Variants in RPL29 observed in about 807,000 individuals in gnomAD.
RPL29 encodes the protein large ribosomal subunit protein eL29.
RPL29 carries 4 observed loss-of-function variants against 7.2 expected under a neutral mutation model. That is an observed-to-expected ratio of 0.55 (90% CI 0.27 to 1.26). The LOEUF (loss-of-function observed/expected upper bound fraction) is 1.26, where lower values mean the gene tolerates loss of function less well. Among genes scored for constraint, RPL29 ranks in the 50% most tolerant of loss-of-function variants. The pLI is 0.11. For missense variants in RPL29, 148 were observed against 209.1 expected (o/e 0.71, Z 1.80); for synonymous variants, 73 against 72.8 (o/e 1.00, Z -0.01).
chr3:51,994,414 T>G, intron 3 of RPL29: 3 of 401,680 alleles, frequency 7.5e-6, no homozygotes, highest in Admixed American at 8.3e-5. Context: ...CAGCAGGGGT[T>G]CGACCAAGTT....
Position 51,993,604 on chromosome 3 carries a change from G to GGAT in RPL29, c.*142_*144dup, listed in dbSNP as rs1701274322. On this transcript the variant is annotated 3_prime_UTR_variant, in exon 4 of 4. Coordinates refer to ENST00000294189, the MANE Select transcript of RPL29 (RefSeq NM_000992.3). Reference sequence around the variant, plus strand: ...GATGGAGCAACCAAACCCATCCCCAGGATCATAGACAGAGGCTAACAAATC... The same window carrying GGAT: ...GATGGAGCAACCAAACCCATCCCCAGGATGATCATAGACAGAGGCTAACAAATC... 5 of 876,040 alleles carry GGAT rather than the reference G, an allele frequency of 5.7e-6. No homozygotes were observed. Among genetic ancestry groups the GGAT allele is most frequent in the Non-Finnish European group, 8.7e-6 (5 of 575,252 alleles). The allele number at this position is 876,040 out of a possible 1,614,324, so 54.3% of individuals were successfully genotyped here.
rs543098201 is a variant in RPL29, at chr3:51,994,774, C to G, written c.102+268G>C. On this transcript the variant is annotated intron_variant, in intron 3 of 3. Coordinates refer to ENST00000294189, the MANE Select transcript of RPL29 (RefSeq NM_000992.3). ...CACTCAGACAAGGCCACTCCTTACCCTAAGTGCCACTGCCAAGCAAGGGAG... is the reference window on the plus strand; with the variant it reads ...CACTCAGACAAGGCCACTCCTTACCGTAAGTGCCACTGCCAAGCAAGGGAG... The G allele has an allele frequency of 1.1e-4, 75 of 699,562 alleles. 1 individual carries two copies. The South Asian group carries it at 1.1e-3, about 10-fold the overall frequency. 43.3% of individuals were successfully genotyped at this position (699,562 alleles called of 1,614,324 possible).
At position 51,993,525 on chromosome 3, in the gene RPL29, C is replaced by T; in HGVS notation, c.*224G>A. On this transcript the variant is annotated 3_prime_UTR_variant, in exon 4 of 4. Transcript: ENST00000294189. The stretch of plus-strand genomic sequence containing the variant: ...CTCTTGCACTTCAGGGCCCCATCTC[C>T]TGACTCCCACCCACACCCCACCATC... 1.9e-6 allele frequency: 1 copy of T among 516,900 alleles called. No individual in the cohort carries two copies. The highest frequency in any genetic ancestry group is 3.4e-5 in the South Asian group (1 of 29,174). The allele number at this position is 516,900 out of a possible 1,614,324, so 32.0% of individuals were successfully genotyped here.
chr3:51,995,738 A>G (rs1272084631), intron 1 of RPL29, 119 bp downstream of exon 1: 1 of 456,158 alleles, frequency 2.2e-6, no homozygotes, highest in African/African-American at 2.0e-5. Context: ...CACCATTCCC[A>G]CCCCGCAGCT....
Position 51,993,933 on chromosome 3 carries a change from A to G in RPL29, c.296T>C (p.Ile99Thr). 1 of 1,596,560 alleles carries G rather than the reference A, an allele frequency of 6.3e-7. No homozygotes were observed. The highest frequency in any genetic ancestry group is 8.5e-7 in the Non-Finnish European group (1 of 1,179,772). ...ACGCTTCCCAAGCTTGGGGTGGGCA[A>G]TGTAGGCAAGTCGATCGAGCTTGCG... ...VSRKLDRLAY[I>T]AHPKLGKRAR... Residue 99 changes from isoleucine to threonine, a missense_variant, in exon 4 of 4, where the codon ATT becomes ACT. Physicochemically the swap from Ile to Thr is moderately conservative, Grantham distance 89 (BLOSUM62 -1). Coordinates refer to ENST00000294189, the MANE Select transcript of RPL29 (RefSeq NM_000992.3).
At chr3:51,994,169 A>G in intron 3 of RPL29, 43 bp from the exon 4 acceptor site, 1 of 1,550,142 alleles carries the variant, frequency 6.5e-7, no homozygotes, top group Middle Eastern at 1.7e-4. Flanking sequence ...GTGGGTCCCC[A>G]AGTCTCTCCC....
chr3:51,993,934 T>G lies in RPL29; in HGVS notation c.295A>C (p.Ile99Leu). ...CGCTTCCCAAGCTTGGGGTGGGCAA[T>G]GTAGGCAAGTCGATCGAGCTTGCGG... ...VSRKLDRLAY[I>L]AHPKLGKRAR... The change falls in exon 4 of 4, where the codon ATT (isoleucine) becomes CTT (leucine). Residue 99 changes from isoleucine to leucine, a missense_variant. Transcript: ENST00000294189. 1 of 1,596,552 alleles carries G rather than the reference T, an allele frequency of 6.3e-7. No individual in the cohort carries two copies. The highest frequency in any genetic ancestry group is 1.7e-5 in the Admixed American group (1 of 60,006).
Position 51,993,601 on chromosome 3 carries a change from C to G in RPL29, c.*148G>C. On this transcript the variant is annotated 3_prime_UTR_variant, in exon 4 of 4. Transcript: ENST00000294189. The stretch of plus-strand genomic sequence containing the variant: ...ACAGATGGAGCAACCAAACCCATCC[C>G]CAGGATCATAGACAGAGGCTAACAA... 1.3e-5 allele frequency: 11 copies of G among 858,794 alleles called. No homozygotes were observed. In the South Asian group the frequency reaches 1.9e-4, roughly 15 times the overall value. 53.2% of individuals were successfully genotyped at this position (858,794 alleles called of 1,614,324 possible). A position where few individuals can be genotyped will look rare whatever the true frequency, so the allele number is the denominator to read the frequency against.
intron 1 of RPL29, 54 bp downstream of exon 1, chr3:51,995,803 C>A: frequency 3.0e-6 from 1 of 333,090 alleles, no homozygotes; most frequent in Non-Finnish European, 5.7e-6. Context: ...GCCCGCGCCC[C>A]GCCGCCACCC....
chr3:51,993,965 A>G lies in RPL29; in HGVS notation c.264T>C (p.Gly88=), dbSNP rs1210329741. The part of the protein sequence containing the change: ...PKEVKPKIPK[G]VSRKLDRLAY... ...CAAGTCGATCGAGCTTGCGGCTGAC[A>G]CCCTTTGGGATCTTGGGCTTAACCT... The change falls in exon 4 of 4, where the codon GGT becomes GGC. Residue 88 remains glycine (G), a synonymous_variant. Transcript: ENST00000294189. The G allele has an allele frequency of 1.3e-6, 2 of 1,596,916 alleles. No homozygotes were observed. Among genetic ancestry groups the G allele is most frequent in the Non-Finnish European group, 1.7e-6 (2 of 1,179,754 alleles).
intron 3 of RPL29, chr3:51,994,807 A>G (rs1244035111): frequency 1.4e-6 from 1 of 704,006 alleles, no homozygotes; most frequent in South Asian, 1.5e-5. Context: ...GAGATAGCCA[A>G]ACTGCCCTCA....
In RPL29 at chr3:51,994,038, G is replaced by A. The variant is rs1470975527; in HGVS notation, c.191C>T (p.Ala64Val). The change falls in exon 4 of 4, where the codon GCC (alanine) becomes GTC (valine). Residue 64 changes from alanine (A) to valine (V), a missense_variant. Physicochemically the swap from Ala to Val is moderately conservative, Grantham distance 64. Coordinates refer to ENST00000294189, the MANE Select transcript of RPL29 (RefSeq NM_000992.3). The part of the protein sequence containing the change: ...LKKMQANNAK[A>V]MSARAEAIKA... Reference sequence around the variant, plus strand: ...GATAGCCTCGGCACGTGCACTCATGGCCTTGGCATTGTTGGCCTGCATCTT... The same window carrying A: ...GATAGCCTCGGCACGTGCACTCATGACCTTGGCATTGTTGGCCTGCATCTT... 1.2e-6 allele frequency: 2 copies of A among 1,600,176 alleles called. No homozygotes were observed. The highest frequency in any genetic ancestry group is 1.7e-6 in the Non-Finnish European group (2 of 1,179,344).
intron 3 of RPL29, chr3:51,994,761 G>A (rs749784070): frequency 1.3e-5 from 9 of 697,578 alleles, no homozygotes; most frequent in Non-Finnish European, 2.3e-5. Flanking sequence ...CTCAGACAAG[G>A]CCACTCCTTA....
At chr3:51,994,677 G>A (rs889167085) in intron 3 of RPL29, 2 of 593,058 alleles carry the variant, frequency 3.4e-6, no homozygotes, top group Admixed American at 2.9e-5. Flanking sequence ...AGGAAGAGAA[G>A]CTGACCCCAA....
rs372893492 is a variant in RPL29, at chr3:51,994,022, G to A, written c.207C>T (p.Ala69=). 33 of 1,599,034 alleles carry A rather than the reference G, an allele frequency of 2.1e-5. No homozygotes were observed. The highest frequency in any genetic ancestry group is 2.7e-5 in the African/African-American group (2 of 74,880). ...ANNAKAMSAR[A]EAIKALVKPK... ...GCTTTACGAGGGCCTTGATAGCCTCGGCACGTGCACTCATGGCCTTGGCAT... is the reference window on the plus strand; with the variant it reads ...GCTTTACGAGGGCCTTGATAGCCTCAGCACGTGCACTCATGGCCTTGGCAT... The change falls in exon 4 of 4, where the codon GCC becomes GCT. Residue 69 remains alanine (A), a synonymous_variant. Coordinates refer to ENST00000294189, the MANE Select transcript of RPL29 (RefSeq NM_000992.3).
intron 3 of RPL29, 160 bp downstream of exon 3, chr3:51,994,882 T>C (rs1330413945): frequency 1.3e-6 from 1 of 784,202 alleles, no homozygotes; most frequent in Non-Finnish European, 2.3e-6. Flanking sequence ...GAAAGCTTTA[T>C]TATGGGTCTG....
intron 1 of RPL29, 182 bp downstream of exon 1, chr3:51,995,675 G>T (rs973531061): frequency 3.4e-6 from 2 of 593,072 alleles, no homozygotes; most frequent in Non-Finnish European, 6.0e-6. Context: ...CCGGAAAGCT[G>T]CATTCCCCAA....
rs1701286241 is a variant in RPL29, at chr3:51,994,101, A to G, written c.128T>C (p.Met43Thr). 3 of 1,601,190 alleles carry G rather than the reference A, an allele frequency of 1.9e-6. No homozygotes were observed. The highest frequency in any genetic ancestry group is 1.7e-6 in the Non-Finnish European group (2 of 1,173,928). ...TTTGTTGTGCTTCTTGGCAAAGCGC[A>G]TGTTCCTCAGGAACTTGGGGTCCAC... ...KGVDPKFLRN[M>T]RFAKKHNKKG... Residue 43 changes from methionine to threonine, a missense_variant, in exon 4 of 4, where the codon ATG (methionine) becomes ACG (threonine). Physicochemically the swap from Met to Thr is moderately conservative, Grantham distance 81. Coordinates refer to ENST00000294189, the MANE Select transcript of RPL29 (RefSeq NM_000992.3).
chr3:51,993,581 T>C lies in RPL29; in HGVS notation c.*168A>G. 1 of 706,016 alleles carries C rather than the reference T, an allele frequency of 1.4e-6. No homozygotes were observed. Among genetic ancestry groups the C allele is most frequent in the Non-Finnish European group, 2.3e-6 (1 of 433,794 alleles). The allele number at this position is 706,016 out of a possible 1,614,324, so 43.7% of individuals were successfully genotyped here. A position where few individuals can be genotyped will look rare whatever the true frequency, so the allele number is the denominator to read the frequency against. ...CCATGTCTTCTCCCACACCAACAGA[T>C]GGAGCAACCAAACCCATCCCCAGGA... On this transcript the variant is annotated 3_prime_UTR_variant, in exon 4 of 4. Transcript: ENST00000294189.
Sources: allele counts gnomAD v4.1 joint callset, GRCh38; gene constraint gnomAD v4.1.1; transcripts MANE v1.5; gene names NCBI Gene and HGNC (gene_info 2026-07-23, HGNC 2026-07-21).